CDH8: variants seen among roughly 807,000 people sequenced by gnomAD.
CDH8 encodes cadherin-8.
A neutral mutation model predicts 68.1 loss-of-function variants in CDH8; 17 were observed. That is an observed-to-expected ratio of 0.25 (90% CI 0.17 to 0.37). The LOEUF is 0.37. CDH8 is among the 10% of genes least tolerant of loss of function. The pLI is 1.00. For synonymous variants in CDH8, 372 were observed against 365.1 expected, an observed-to-expected ratio of 1.02 and a Z score of -0.21; for missense variants, 763 against 999.3, an observed-to-expected ratio of 0.76 and a Z score of 3.19.
chr16:61,658,563 T>C (rs1271344849), intron 10 of CDH8, among the ~76,000 whole-genome samples: 1 of 152,082 alleles, frequency 6.6e-6, no homozygotes, highest in Non-Finnish European at 1.5e-5. Context: ...TCCTCATTCT[T>C]TTAAGAGGTC....
chr16:62,020,386 CCA>C (rs1902042369), intron 2 of CDH8, among the ~76,000 whole-genome samples: 1 of 151,930 alleles, frequency 6.6e-6, no homozygotes, highest in Non-Finnish European at 1.5e-5. Flanking sequence ...CTCCAATAAC[CCA>C]GTGTGATTTT....
intron 2 of CDH8, among the ~76,000 whole-genome samples, chr16:61,973,155 T>C (rs1176138588): frequency 1.3e-5 from 2 of 152,182 alleles, no homozygotes; most frequent in African/African-American, 4.8e-5. Context: ...CTACCTCTTC[T>C]GACTCTGCCA....
intron 2 of CDH8, among the ~76,000 whole-genome samples, chr16:62,014,609 T>C (rs1249560806): frequency 6.6e-6 from 1 of 152,190 alleles, no homozygotes; most frequent in Non-Finnish European, 1.5e-5. Flanking sequence ...AACTGTAATA[T>C]AGTGTAATTA....
chr16:61,841,073 T>C (rs1416338086), intron 4 of CDH8, among the ~76,000 whole-genome samples: 1 of 152,224 alleles, frequency 6.6e-6, no homozygotes, highest in East Asian at 1.9e-4. Flanking sequence ...TACTCCATTG[T>C]GTATATCTAC....
At position 61,706,542 on chromosome 16, in the gene CDH8, A is replaced by G. The variant is rs1189143834; in HGVS notation, c.1654+7299T>C. Reference sequence around the variant, plus strand: ...AGGCTGAGGCAGGAGAATGGCGTGAACGCCGGAAGCGGAGCCTGCAGTGAG... The same window carrying G: ...AGGCTGAGGCAGGAGAATGGCGTGAGCGCCGGAAGCGGAGCCTGCAGTGAG... On this transcript the variant is annotated intron_variant, in intron 10 of 11. Transcript: ENST00000577390. Among the ~76,000 whole-genome samples the G allele has an allele frequency of 2.0e-5, 3 of 150,260 alleles. No homozygotes were observed. The Admixed American group carries it at 2.0e-4, about 10-fold the overall frequency.
chr16:61,952,785 T>C (rs1472876635), intron 2 of CDH8, among the ~76,000 whole-genome samples: 1 of 152,220 alleles, frequency 6.6e-6, no homozygotes, highest in Non-Finnish European at 1.5e-5. Context: ...CTGTCTCGAA[T>C]AATTTTCACA....
At chr16:61,916,733 G>T (rs1454379982) in intron 2 of CDH8, among the ~76,000 whole-genome samples, 1 of 152,070 alleles carries the variant, frequency 6.6e-6, no homozygotes, top group Non-Finnish European at 1.5e-5. Context: ...AAGCTCACCT[G>T]GGCAGGAGTT....
At chr16:61,684,120 T>A (rs958728322) in intron 10 of CDH8, among the ~76,000 whole-genome samples, 2 of 152,014 alleles carry the variant, frequency 1.3e-5, no homozygotes, top group Non-Finnish European at 2.9e-5. Context: ...CCTTACTCTC[T>A]TACAAATATA....
intron 10 of CDH8, among the ~76,000 whole-genome samples, chr16:61,657,056 G>T (rs927498051): frequency 3.4e-5 from 5 of 148,292 alleles, no homozygotes; most frequent in African/African-American, 9.9e-5. Flanking sequence ...ATAATTATTT[G>T]TTTTTTTTTT....
intron 2 of CDH8, among the ~76,000 whole-genome samples, chr16:61,992,656 T>A (rs542367510): frequency 6.6e-6 from 1 of 152,166 alleles, no homozygotes; most frequent in Non-Finnish European, 1.5e-5. Context: ...TTAAATTCCC[T>A]TGGATTCAGT....
intron 2 of CDH8, among the ~76,000 whole-genome samples, chr16:61,908,345 C>A (rs1964098166): frequency 6.6e-6 from 1 of 152,050 alleles, no homozygotes; most frequent in South Asian, 2.1e-4. Context: ...CCCAAGTCTC[C>A]CAAATGATAA....
chr16:61,972,430 T>C (rs1391314495), intron 2 of CDH8, among the ~76,000 whole-genome samples: 1 of 152,212 alleles, frequency 6.6e-6, no homozygotes, highest in East Asian at 1.9e-4. Flanking sequence ...AATCATCTTG[T>C]ATTACTCCTA....
intron 7 of CDH8, among the ~76,000 whole-genome samples, chr16:61,801,435 C>T (rs1001628676): frequency 3.3e-5 from 5 of 152,078 alleles, no homozygotes; most frequent in Non-Finnish European, 5.9e-5. Context: ...GGACAGCTAG[C>T]GGTGTGAATT....
rs1444029651 is a variant in CDH8 at position 61,737,326 on chromosome 16, G to A, written c.1415-10111C>T. Among the ~76,000 whole-genome samples the A allele has an allele frequency of 2.0e-5, 3 of 152,106 alleles. No homozygotes were observed. The East Asian group carries it at 5.8e-4, about 29-fold the overall frequency. On this transcript the variant is annotated intron_variant, in intron 8 of 11. Transcript: ENST00000577390. ...TTCTTGAGCTTTCTACAAGTAGAAGGGTAGAAGCTATGAGCACTAAATTAT... is the reference window on the plus strand; with the variant it reads ...TTCTTGAGCTTTCTACAAGTAGAAGAGTAGAAGCTATGAGCACTAAATTAT...
intron 2 of CDH8, chr16:61,934,047 C>T (rs2143497787): frequency 6.6e-6 from 1 of 152,236 alleles, no homozygotes; most frequent in Non-Finnish European, 1.5e-5. Flanking sequence ...ATGGTGCCGG[C>T]ATATGGTGCA....
At chr16:62,016,959 T>G (rs1352757126) in intron 2 of CDH8, among the ~76,000 whole-genome samples, 2 of 152,146 alleles carry the variant, frequency 1.3e-5, no homozygotes, top group Non-Finnish European at 2.9e-5. Context: ...AGAAAGACTT[T>G]CAAAATCAAT....
At chr16:61,775,622 T>C (rs932184178) in intron 8 of CDH8, among the ~76,000 whole-genome samples, 3 of 152,086 alleles carry the variant, frequency 2.0e-5, no homozygotes, top group Non-Finnish European at 4.4e-5. Context: ...CCTGTTGCTT[T>C]GCTGCATCTT....
chr16:61,668,666 AG>A (rs1455977845), intron 10 of CDH8, among the ~76,000 whole-genome samples: 2 of 136,932 alleles, frequency 1.5e-5, no homozygotes, highest in Non-Finnish European at 3.2e-5. Flanking sequence ...TAAACCACTT[AG>A]GAAAAAAAAA....
At chr16:61,872,108 C>T (rs936168559) in intron 3 of CDH8, among the ~76,000 whole-genome samples, 1 of 152,154 alleles carries the variant, frequency 6.6e-6, no homozygotes, top group African/African-American at 2.4e-5. Context: ...ATTTACTTCA[C>T]ATATTAACCC....
Sources: gnomAD v4.1 joint callset for allele counts (sites outside exome capture counted in the v4.1 genomes callset) on GRCh38, gnomAD v4.1.1 for gene constraint, MANE v1.5 for transcripts, NCBI Gene and HGNC (gene_info 2026-07-23, HGNC 2026-07-21) for gene names.